ANKAR: variants seen among roughly 807,000 people sequenced by gnomAD.
ANKAR encodes ankyrin and armadillo repeat containing.
Under a neutral mutation model 146.2 loss-of-function variants are expected in ANKAR, and 136 were observed. That is an observed-to-expected ratio of 0.93 (90% CI 0.81 to 1.07). The LOEUF (loss-of-function observed/expected upper bound fraction) is 1.07, where lower values mean the gene tolerates loss of function less well. Among genes scored for constraint, ANKAR ranks in the 50% least tolerant of loss-of-function variants. ANKAR has a pLI of 0.00. For missense variants in ANKAR, 1,567 were observed against 1,679.9 expected (o/e 0.93, Z 1.18); for synonymous variants, 500 against 575.8 (o/e 0.87, Z 1.88).
At chr2:189,752,120 G>C (rs549846759) in intron 18 of ANKAR, among the ~76,000 whole-genome samples, 1 of 151,886 alleles carries the variant, frequency 6.6e-6, no homozygotes, top group Non-Finnish European at 1.5e-5. Context: ...CTCTAGCCTG[G>C]GTGACACTAA....
At chr2:189,762,089 C>A (rs923391357), downstream of ANKAR, among the ~76,000 whole-genome samples, 17 of 152,126 alleles carry the variant, frequency 1.1e-4, no homozygotes, top group African/African-American at 3.9e-4. Context: ...AAACATCTTT[C>A]AAAATAAAAC....
chr2:189,718,800 A>G (rs1480286391), intron 10 of ANKAR, among the ~76,000 whole-genome samples: 1 of 144,556 alleles, frequency 6.9e-6, no homozygotes, highest in Admixed American at 7.1e-5. Flanking sequence ...CGGACTGCGG[A>G]CTGCAGTGGC....
chr2:189,725,894 C>T (rs535493880), intron 12 of ANKAR, among the ~76,000 whole-genome samples: 43 of 151,898 alleles, frequency 2.8e-4, no homozygotes, highest in African/African-American at 9.7e-4. Context: ...GGTGACAGAG[C>T]GAGACCTTGT....
chr2:189,758,939 T>C (rs1256396524), intron 18 of ANKAR, among the ~76,000 whole-genome samples: 2 of 152,294 alleles, frequency 1.3e-5, no homozygotes, highest in Middle Eastern at 3.4e-3. Flanking sequence ...TGTTCAAAAG[T>C]TCAGTGCACT....
intron 15 of ANKAR, among the ~76,000 whole-genome samples, chr2:189,730,194 T>C (rs1298182203): frequency 6.6e-6 from 1 of 152,212 alleles, no homozygotes; most frequent in African/African-American, 2.4e-5. Flanking sequence ...TCGCACATAA[T>C]ATTTCTTCAA....
At chr2:189,694,433 A>G (rs897599345) in intron 5 of ANKAR, among the ~76,000 whole-genome samples, 1 of 152,160 alleles carries the variant, frequency 6.6e-6, no homozygotes, top group South Asian at 2.1e-4. Context: ...AAGCAAACCC[A>G]GGGAACAGAG....
chr2:189,742,106 A>G (rs1318639739), intron 20 of ANKAR, among the ~76,000 whole-genome samples: 1 of 152,140 alleles, frequency 6.6e-6, no homozygotes, highest in Non-Finnish European at 1.5e-5. Context: ...TCTTCCACTA[A>G]GGTCTAAAGC....
At chr2:189,735,274 G>C (rs144716433) in intron 17 of ANKAR, among the ~76,000 whole-genome samples, 223 of 152,192 alleles carry the variant, frequency 1.5e-3, no homozygotes, top group African/African-American at 4.9e-3. Flanking sequence ...ATTTATTCTT[G>C]TGCATCAGTT....
chr2:189,757,657 A>G (rs2046280860), intron 18 of ANKAR, among the ~76,000 whole-genome samples: 1 of 152,232 alleles, frequency 6.6e-6, no homozygotes. Flanking sequence ...AGCCTAGTAA[A>G]TGGCTGAACC....
chr2:189,738,213 C>T (rs779257501), intron 18 of ANKAR, among the ~76,000 whole-genome samples: 2 of 152,164 alleles, frequency 1.3e-5, no homozygotes, highest in Non-Finnish European at 2.9e-5. Context: ...TCACACTGAT[C>T]CTTCAACCTA....
intron 2 of ANKAR, among the ~76,000 whole-genome samples, chr2:189,682,393 C>T (rs2034855220): frequency 6.6e-6 from 1 of 152,048 alleles, no homozygotes; most frequent in Admixed American, 6.5e-5. Flanking sequence ...GCTTCAGAAA[C>T]TTCAACAATG....
chr2:189,709,099 A>AAAATAAAT (rs774081735), intron 9 of ANKAR, among the ~76,000 whole-genome samples: 31,290 of 150,584 alleles, frequency 0.21, 3,410 homozygotes, highest in African/African-American at 0.24. Context: ...ACTTCGTCTC[A>AAAATAAAT]AAATAAATAA....
intron 2 of ANKAR, among the ~76,000 whole-genome samples, chr2:189,677,702 G>T (rs1404971859): frequency 1.3e-5 from 2 of 149,764 alleles, no homozygotes; most frequent in Non-Finnish European, 3.0e-5. Flanking sequence ...TTGGAGATGG[G>T]GTCTCCCTGT....
intron 1 of ANKAR, among the ~76,000 whole-genome samples, chr2:189,675,364 CTT>C (rs753224424): frequency 2.3e-4 from 35 of 151,968 alleles, no homozygotes; most frequent in Non-Finnish European, 4.7e-4. Flanking sequence ...TGCTTCTTTC[CTT>C]TTCTTTTTCT....
intron 2 of ANKAR, among the ~76,000 whole-genome samples, chr2:189,677,723 C>G (rs2033963880): frequency 6.7e-6 from 1 of 150,170 alleles, no homozygotes; most frequent in Non-Finnish European, 1.5e-5. Flanking sequence ...GTTGAACAGG[C>G]TGGCCTCGAA....
At chr2:189,676,260 G>A (rs1032594816) in intron 1 of ANKAR, among the ~76,000 whole-genome samples, 196 bp from the exon 2 acceptor site, 6 of 152,100 alleles carry the variant, frequency 3.9e-5, no homozygotes, top group Admixed American at 6.5e-5. Context: ...AATGATAAAG[G>A]TTTTATAATT....
At chr2:189,694,917 G>A (rs1172326996) in intron 5 of ANKAR, 64 bp from the exon 6 acceptor site, 6 of 1,101,638 alleles carry the variant, frequency 5.4e-6, no homozygotes, top group Non-Finnish European at 7.2e-6. Flanking sequence ...TGCCAGCATA[G>A]AAAGAGAAGT....
chr2:189,706,880 A>T, intron 8 of ANKAR, 58 bp from the exon 9 acceptor site: 2 of 1,399,532 alleles, frequency 1.4e-6, no homozygotes, highest in Non-Finnish European at 2.0e-6. Flanking sequence ...GAATAGTTTT[A>T]CAAAAAGTAA....
At chr2:189,714,832 G>A (rs2040198922) in intron 10 of ANKAR, among the ~76,000 whole-genome samples, 1 of 151,798 alleles carries the variant, frequency 6.6e-6, no homozygotes, top group Non-Finnish European at 1.5e-5. Context: ...TGTAGTCCCG[G>A]CTACTTGGGA....
Sources: gnomAD v4.1 joint callset for allele counts (sites outside exome capture counted in the v4.1 genomes callset) on GRCh38, gnomAD v4.1.1 for gene constraint, MANE v1.5 for transcripts, NCBI Gene and HGNC (gene_info 2026-07-23, HGNC 2026-07-21) for gene names.